The following KCNH8 variants were observed in gnomAD, a reference collection of about 807,000 sequenced individuals.
KCNH8 encodes voltage-gated delayed rectifier potassium channel KCNH8.
KCNH8 carries 70 observed loss-of-function variants against 103.6 expected under a neutral mutation model. That is an observed-to-expected ratio of 0.68 (90% CI 0.56 to 0.82). KCNH8 has a LOEUF of 0.82. Ranked by LOEUF, KCNH8 falls within the 40% of genes least tolerant of loss-of-function variation. KCNH8 has a pLI of 0.00. For synonymous variants in KCNH8, 498 were observed against 489.4 expected, an observed-to-expected ratio of 1.02 and a Z score of -0.23; for missense variants, 1,217 against 1,329.9, an observed-to-expected ratio of 0.92 and a Z score of 1.32.
chr3:19,249,803 G>A (rs1266586464), intron 1 of KCNH8, among the ~76,000 whole-genome samples: 1 of 152,134 alleles, frequency 6.6e-6, no homozygotes, highest in East Asian at 1.9e-4. Flanking sequence ...CAAGTTATGG[G>A]CTTCTTCTTT....
At chr3:19,387,966 T>C (rs1445184254) in intron 5 of KCNH8, among the ~76,000 whole-genome samples, 1 of 151,846 alleles carries the variant, frequency 6.6e-6, no homozygotes, top group Admixed American at 6.6e-5. Context: ...TGAACCACTA[T>C]TTTGTTCTTT....
intron 3 of KCNH8, among the ~76,000 whole-genome samples, chr3:19,293,483 G>A (rs567767471): frequency 1.3e-5 from 2 of 152,312 alleles, no homozygotes; most frequent in Non-Finnish European, 2.9e-5. Context: ...CATTTGAAAT[G>A]CAGAATCTCA....
intron 2 of KCNH8, among the ~76,000 whole-genome samples, chr3:19,280,511 C>T (rs780788012): frequency 3.4e-4 from 51 of 152,046 alleles, no homozygotes; most frequent in Non-Finnish European, 6.6e-4. Context: ...TAAACAAATT[C>T]TTATTGCATT....
chr3:19,277,027 G>T (rs1181665631), intron 2 of KCNH8, among the ~76,000 whole-genome samples: 1 of 152,068 alleles, frequency 6.6e-6, no homozygotes, highest in Non-Finnish European at 1.5e-5. Flanking sequence ...CATAAAAAAT[G>T]AAGTTCTGTC....
chr3:19,153,007 T>A (rs1180278595), intron 1 of KCNH8, among the ~76,000 whole-genome samples: 1 of 150,668 alleles, frequency 6.6e-6, no homozygotes, highest in Non-Finnish European at 1.5e-5. Flanking sequence ...GAGGAAATTC[T>A]CAGTGGTTTT....
In KCNH8 at chr3:19,535,257, C is replaced by T. The variant is rs893440874; in HGVS notation, c.*1158C>T. On this transcript the variant is annotated 3_prime_UTR_variant, in exon 16 of 16. Transcript: ENST00000328405. ...TGGAGCCAAGACTTCTGAGCTATAA[C>T]TTGTGGGAGTAATACCAGCTTGCAA... 3.3e-5 allele frequency: 5 copies of T among 152,228 alleles called. No individual in the cohort carries two copies. The highest frequency in any genetic ancestry group is 9.6e-5 in the African/African-American group (4 of 41,462). The allele number at this position is 152,228 out of a possible 1,614,324, so 9.4% of individuals were successfully genotyped here. A position where few individuals can be genotyped will look rare whatever the true frequency, so the allele number is the denominator to read the frequency against.
chr3:19,374,786 G>C (rs534535725), intron 5 of KCNH8, among the ~76,000 whole-genome samples: 2 of 152,008 alleles, frequency 1.3e-5, no homozygotes, highest in East Asian at 1.9e-4. Flanking sequence ...AGGAGCTCTT[G>C]TAAGGCAGGC....
intron 2 of KCNH8, among the ~76,000 whole-genome samples, chr3:19,266,685 T>C (rs536011791): frequency 6.6e-6 from 1 of 152,202 alleles, no homozygotes; most frequent in East Asian, 1.9e-4. Context: ...GAATAAATAG[T>C]TTTTCTTGCT....
intron 5 of KCNH8, among the ~76,000 whole-genome samples, chr3:19,372,073 G>A (rs1298728976): frequency 2.0e-5 from 3 of 151,854 alleles, no homozygotes; most frequent in Non-Finnish European, 4.4e-5. Flanking sequence ...TCTTTTGGCT[G>A]AGGATTGACT....
chr3:19,457,053 G>A, intron 11 of KCNH8, 71 bp downstream of exon 11: 1 of 1,045,534 alleles, frequency 9.6e-7, no homozygotes. Flanking sequence ...AACAGTAAAG[G>A]CAGATGTCAT....
At chr3:19,528,149 TAAAC>T (rs1431632850) in intron 15 of KCNH8, among the ~76,000 whole-genome samples, 1 of 152,042 alleles carries the variant, frequency 6.6e-6, no homozygotes, top group Non-Finnish European at 1.5e-5. Flanking sequence ...TGTATATTAA[TAAAC>T]AAATAAGAAT....
chr3:19,503,134 T>A (rs1478690233), intron 11 of KCNH8, among the ~76,000 whole-genome samples: 1 of 150,812 alleles, frequency 6.6e-6, no homozygotes, highest in Non-Finnish European at 1.5e-5. Context: ...AACAGACACT[T>A]CTCAAAAGAA....
At chr3:19,284,049 A>G (rs1377243433) in intron 3 of KCNH8, among the ~76,000 whole-genome samples, 1 of 152,098 alleles carries the variant, frequency 6.6e-6, no homozygotes, top group Non-Finnish European at 1.5e-5. Flanking sequence ...TGCAGGAAAG[A>G]CACACCTTAA....
rs149666319 is a variant in KCNH8, at chr3:19,337,424, C to T, written c.443-5163C>T. Among the ~76,000 whole-genome samples, 919 of 152,068 alleles carry T rather than the reference C, an allele frequency of 6.0e-3. 13 individuals are homozygous for T. Among genetic ancestry groups the T allele is most frequent in the African/African-American group, 0.02 (850 of 41,512 alleles). ...ATTTTTTTCCTGGAAATTTTCATCT[C>T]TCAGTGTTGCTTAGTAACTAAAATG... On this transcript the variant is annotated intron_variant, in intron 3 of 15. Coordinates refer to ENST00000328405, the MANE Select transcript of KCNH8 (RefSeq NM_144633.3).
At chr3:19,488,816 G>A (rs1014758507) in intron 11 of KCNH8, among the ~76,000 whole-genome samples, 9 of 152,150 alleles carry the variant, frequency 5.9e-5, no homozygotes, top group South Asian at 2.1e-4. Context: ...CTTAGTTGCC[G>A]CCTGGAGCAC....
chr3:19,313,797 G>A (rs1461202654), intron 3 of KCNH8, among the ~76,000 whole-genome samples: 1 of 151,814 alleles, frequency 6.6e-6, no homozygotes, highest in Admixed American at 6.6e-5. Flanking sequence ...AGTACCATGG[G>A]TCCCTGGTTA....
At chr3:19,186,211 T>C (rs2063500873) in intron 1 of KCNH8, among the ~76,000 whole-genome samples, 1 of 151,644 alleles carries the variant, frequency 6.6e-6, no homozygotes. Context: ...TAGGAGACAT[T>C]GCTGCATCGC....
At chr3:19,312,613 CA>C (rs1489225865) in intron 3 of KCNH8, among the ~76,000 whole-genome samples, 1 of 151,886 alleles carries the variant, frequency 6.6e-6, no homozygotes, top group Non-Finnish European at 1.5e-5. Context: ...AGCTTCTCGT[CA>C]TGTAATATTA....
intron 7 of KCNH8, among the ~76,000 whole-genome samples, chr3:19,406,126 A>T (rs1301493209): frequency 6.6e-6 from 1 of 152,070 alleles, no homozygotes; most frequent in Non-Finnish European, 1.5e-5. Flanking sequence ...GTCTGTTGAC[A>T]TATCTTTAGT....
Sources: gnomAD v4.1 joint callset for allele counts (sites outside exome capture counted in the v4.1 genomes callset) on GRCh38, gnomAD v4.1.1 for gene constraint, MANE v1.5 for transcripts, NCBI Gene and HGNC (gene_info 2026-07-23, HGNC 2026-07-21) for gene names.